CRYZL1: variants seen among roughly 807,000 people sequenced by gnomAD.
The protein encoded by CRYZL1 is crystallin zeta like 1, also known as ferry endosomal RAB5 effector complex subunit 4.
Under a neutral mutation model 50.6 loss-of-function variants are expected in CRYZL1, and 34 were observed. The observed-to-expected ratio is 0.67, with a 90% confidence interval of 0.51 to 0.89. The LOEUF (loss-of-function observed/expected upper bound fraction) is 0.89. Ranked by LOEUF, CRYZL1 falls within the 40% of genes least tolerant of loss-of-function variation. The pLI is 0.00. For synonymous variants in CRYZL1, 125 were observed against 134.3 expected (o/e 0.93, Z 0.48); for missense variants, 354 against 402.3 (o/e 0.88, Z 1.03).
chr21:33,640,143 T>C (rs2087261492), intron 1 of CRYZL1: 1 of 1,547,632 alleles, frequency 6.5e-7, no homozygotes, highest in Non-Finnish European at 8.7e-7. Flanking sequence ...GTATTTTTGC[T>C]CTTCTGCTCA....
intron 1 of CRYZL1, among the ~76,000 whole-genome samples, chr21:33,635,212 A>C (rs1464079795): frequency 5.9e-5 from 9 of 152,196 alleles, no homozygotes; most frequent in African/African-American, 2.2e-4. Context: ...TAAATAAAAC[A>C]GTCTATTACG....
chr21:33,617,033 T>C (rs565647315), intron 4 of CRYZL1: 1 of 203,044 alleles, frequency 4.9e-6, no homozygotes, highest in Admixed American at 6.0e-5. Context: ...CATTTTTTTT[T>C]TGAGATGGAG....
chr21:33,612,497 CAGGCTGGTCTCAAACTCCTGACCTCAA>C (rs2086883128), intron 6 of CRYZL1, among the ~76,000 whole-genome samples: 2 of 152,206 alleles, frequency 1.3e-5, no homozygotes, highest in Admixed American at 1.3e-4. Context: ...CCATGTTGGC[CAGGCTGGTCTCAAACTCCTGACCTCAA>C]ATGATCTGCT....
intron 11 of CRYZL1, chr21:33,591,835 G>C (rs2086645376): frequency 6.6e-6 from 1 of 152,456 alleles, no homozygotes; most frequent in Non-Finnish European, 1.5e-5. Context: ...GCATGTGCCT[G>C]TTGCCCCAGC....
chr21:33,601,472 T>C (rs1601329357), intron 8 of CRYZL1, among the ~76,000 whole-genome samples: 4 of 152,240 alleles, frequency 2.6e-5, no homozygotes, highest in Non-Finnish European at 4.4e-5. Flanking sequence ...CTCTAGTTCT[T>C]CCACACCCAG....
intron 5 of CRYZL1, among the ~76,000 whole-genome samples, chr21:33,614,828 TCA>T (rs1173476010): frequency 2.0e-5 from 3 of 152,032 alleles, no homozygotes; most frequent in African/African-American, 7.2e-5. Flanking sequence ...CCTCAGCCTC[TCA>T]AAGTGCTGGG....
At chr21:33,640,562 A>T (rs1014889380) in intron 1 of CRYZL1, among the ~76,000 whole-genome samples, 1 of 152,148 alleles carries the variant, frequency 6.6e-6, no homozygotes, top group African/African-American at 2.4e-5. Context: ...TCAGCGCAAC[A>T]TCATACTTTC....
Position 33,601,998 on chromosome 21 carries a change from CTTT to C in CRYZL1, c.577+233_577+235del, listed in dbSNP as rs796436323. Among the ~76,000 whole-genome samples, 3 of 132,902 alleles carry C rather than the reference CTTT, an allele frequency of 2.3e-5. No individual in the cohort carries two copies. The East Asian group carries it at 6.6e-4, about 29-fold the overall frequency. 87.2% of individuals were successfully genotyped at this position (132,902 alleles called of 152,430 possible). A position where few individuals can be genotyped will look rare whatever the true frequency, so the allele number is the denominator to read the frequency against. ...ACTTTCATTTGGGATTTTATAAATTCTTTTTTTTTTTTTTTAAGATTATATATA... is the reference window on the plus strand; with the variant it reads ...ACTTTCATTTGGGATTTTATAAATTCTTTTTTTTTTTTAAGATTATATATA... On this transcript the variant is annotated intron_variant, in intron 8 of 12. Transcript: ENST00000381554.
chr21:33,609,101 T>C (rs891619275), intron 6 of CRYZL1, among the ~76,000 whole-genome samples: 7 of 152,234 alleles, frequency 4.6e-5, no homozygotes, highest in South Asian at 4.1e-4. Context: ...TAATGATTAC[T>C]GATGTCGAGT....
intron 1 of CRYZL1, among the ~76,000 whole-genome samples, chr21:33,633,215 A>G (rs2087161512): frequency 6.6e-6 from 1 of 152,142 alleles, no homozygotes. Context: ...CTTTTTGGTA[A>G]GAATACTATT....
At chr21:33,598,167 A>G (rs575894616) in intron 9 of CRYZL1, among the ~76,000 whole-genome samples, 1 of 152,362 alleles carries the variant, frequency 6.6e-6, no homozygotes, top group East Asian at 1.9e-4. Flanking sequence ...AGCTTAATAT[A>G]GTGAGATGAA....
chr21:33,625,219 G>A (rs934452366), intron 2 of CRYZL1, among the ~76,000 whole-genome samples: 3 of 150,500 alleles, frequency 2.0e-5, no homozygotes, highest in Admixed American at 2.0e-4. Flanking sequence ...GCGGTGGCGC[G>A]ATCTCGGCTC....
intron 11 of CRYZL1, chr21:33,595,189 C>T: frequency 1.8e-6 from 2 of 1,125,072 alleles, no homozygotes; most frequent in Non-Finnish European, 2.2e-6. Flanking sequence ...TCAATCACAC[C>T]AGACTTATCT....
chr21:33,605,413 GT>G (rs541267222), intron 6 of CRYZL1, among the ~76,000 whole-genome samples: 209 of 151,152 alleles, frequency 1.4e-3, no homozygotes, highest in African/African-American at 4.9e-3. Flanking sequence ...TCCTAATATA[GT>G]TTAAAAAGTT....
intron 1 of CRYZL1, chr21:33,641,378 C>A: frequency 6.7e-7 from 1 of 1,483,670 alleles, no homozygotes; most frequent in South Asian, 1.3e-5. Context: ...AAAAACCCAA[C>A]CTGGGAGATT....
intron 12 of CRYZL1, 120 bp downstream of exon 12, chr21:33,591,042 T>C (rs575850856): frequency 1.4e-6 from 1 of 738,848 alleles, no homozygotes; most frequent in African/African-American, 1.8e-5. Context: ...ACCAACCTAA[T>C]AATAAAATAT....
intron 11 of CRYZL1, chr21:33,595,222 A>G: frequency 9.5e-7 from 1 of 1,051,980 alleles, no homozygotes; most frequent in Non-Finnish European, 1.2e-6. Flanking sequence ...TGTTTCAAAA[A>G]GTCAAACCTA....
intron 8 of CRYZL1, among the ~76,000 whole-genome samples, chr21:33,601,743 C>T (rs1031615626): frequency 4.6e-5 from 7 of 152,010 alleles, no homozygotes; most frequent in African/African-American, 1.7e-4. Flanking sequence ...ATGGCTAAAC[C>T]CGTCTCTACA....
intron 6 of CRYZL1, among the ~76,000 whole-genome samples, chr21:33,607,699 A>C (rs946674005): frequency 1.3e-5 from 2 of 151,830 alleles, no homozygotes; most frequent in East Asian, 2.0e-4. Context: ...AATTATATAC[A>C]AAAAAAATCA....
Sources: gnomAD v4.1 joint callset for allele counts (sites outside exome capture counted in the v4.1 genomes callset) on GRCh38, gnomAD v4.1.1 for gene constraint, MANE v1.5 for transcripts, NCBI Gene and HGNC (gene_info 2026-07-23, HGNC 2026-07-21) for gene names.